The following IL12RB2 variants were observed in gnomAD, a reference collection of about 807,000 sequenced individuals.
The protein encoded by IL12RB2 is interleukin-12 receptor subunit beta-2.
In IL12RB2, 82 loss-of-function variants were observed where a neutral mutation model predicts 89.4. The ratio of observed to expected loss-of-function variants is 0.92; its 90% CI spans 0.77 to 1.10. The LOEUF is 1.10. Ranked by LOEUF, IL12RB2 falls within the 50% of genes least tolerant of loss-of-function variation. The pLI is 0.00. For synonymous variants in IL12RB2, 368 were observed against 370.1 expected, an observed-to-expected ratio of 0.99 and a Z score of 0.07; for missense variants, 963 against 1,031.9, an observed-to-expected ratio of 0.93 and a Z score of 0.92.
intron 13 of IL12RB2, among the ~76,000 whole-genome samples, chr1:67,377,675 C>A (rs1664122483): frequency 6.8e-6 from 1 of 147,718 alleles, no homozygotes; most frequent in Admixed American, 6.8e-5. Context: ...TGCCTCATTG[C>A]CTATCTTCCC....
rs549452969 is a variant in IL12RB2 at position 67,394,702 on chromosome 1, G to A, written c.2047-845G>A. Among the ~76,000 whole-genome samples the A allele has an allele frequency of 1.3e-3, 200 of 152,238 alleles. 1 individual carries two copies. Among genetic ancestry groups the A allele is most frequent in the South Asian group, 7.7e-3 (37 of 4,814 alleles). ...TTAAAAGGCCCTGTGTGATGTGACC[G>A]CCTCCTATTTCTGAAGCCTCGGGTT... On this transcript the variant is annotated intron_variant, in intron 16 of 16. Transcript: ENST00000674203.
At chr1:67,326,968 T>TATATTTAC (rs1657403519) in intron 5 of IL12RB2, 119 bp downstream of exon 5, 1 of 818,246 alleles carries the variant, frequency 1.2e-6, no homozygotes, top group African/African-American at 2.0e-5. Flanking sequence ...TATTTATTTA[T>TATATTTAC]TTATTTATTT....
At chr1:67,391,598 T>C (rs1665834028) in intron 16 of IL12RB2, among the ~76,000 whole-genome samples, 1 of 150,790 alleles carries the variant, frequency 6.6e-6, no homozygotes, top group South Asian at 2.1e-4. Flanking sequence ...AACATTTTCA[T>C]ACGTTAACAT....
In IL12RB2 at chr1:67,321,855, A is replaced by G; in HGVS notation, c.330A>G (p.Glu110=). The change falls in exon 4 of 17, where the codon GAA becomes GAG. Residue 110 remains glutamate (E), a synonymous_variant. Coordinates refer to ENST00000674203, the MANE Select transcript of IL12RB2 (RefSeq NM_001374259.2). ...AACTGGCCTGTATCAATAGTGATGA[A>G]ATTCAAATATGTGGAGCAGAGATCT... ...VCKLACINSD[E]IQICGAEIFV... 1 of 1,614,076 alleles carries G rather than the reference A, an allele frequency of 6.2e-7. No individual in the cohort carries two copies.
Position 67,310,184 on chromosome 1 carries a change from CAA to C in IL12RB2, c.-125+2241_-125+2242del, listed in dbSNP as rs890229904. ...GGGCGACAAGAATGAAACTTCATCT[CAA>C]AAAAAAAAAAAAAAAAAAAAAAAGC... is the stretch of plus-strand genomic sequence containing the variant. On this transcript the variant is annotated intron_variant, in intron 1 of 16. Transcript: ENST00000674203. 5.9e-3 allele frequency among the ~76,000 whole-genome samples: 216 copies of C among 36,726 alleles called. 3 individuals carry two copies. The highest frequency in any genetic ancestry group is 0.016 in the African/African-American group (200 of 12,540). The allele number at this position is 36,726 out of a possible 152,430, so 24.1% of individuals were successfully genotyped here. A position where few individuals can be genotyped will look rare whatever the true frequency, so the allele number is the denominator to read the frequency against.
At chr1:67,382,804 C>T (rs1462564313) in intron 14 of IL12RB2, among the ~76,000 whole-genome samples, 1 of 151,274 alleles carries the variant, frequency 6.6e-6, no homozygotes, top group Non-Finnish European at 1.5e-5. Context: ...ATCCTGGGCC[C>T]AAGTGATTCT....
intron 10 of IL12RB2, among the ~76,000 whole-genome samples, chr1:67,365,744 CT>C (rs1335785815): frequency 6.6e-6 from 1 of 151,992 alleles, no homozygotes; most frequent in African/African-American, 2.4e-5. Flanking sequence ...AAAAAAAAAC[CT>C]TTTGTTGGAT....
At position 67,393,090 on chromosome 1, in the gene IL12RB2, T is replaced by C. The variant is rs532689155; in HGVS notation, c.2047-2457T>C. ...ACCCTTGAAGAAGGTGGACTGTTTT[T>C]AGAAAGGAAACTGCTCTCCAGGTGC... On this transcript the variant is annotated intron_variant, in intron 16 of 16. Coordinates refer to ENST00000674203, the MANE Select transcript of IL12RB2 (RefSeq NM_001374259.2). Among the ~76,000 whole-genome samples the C allele has an allele frequency of 2.0e-4, 30 of 152,278 alleles. No individual in the cohort carries two copies. The Middle Eastern group carries it at 0.01, about 52-fold the overall frequency.
intron 10 of IL12RB2, 23 bp from the exon 11 acceptor site, chr1:67,367,802 T>G: frequency 2.3e-6 from 3 of 1,323,440 alleles, no homozygotes; most frequent in Non-Finnish European, 3.3e-6. Flanking sequence ...TTATTTTGTT[T>G]CTCCTCTTTC....
chr1:67,356,739 C>G (rs1019161172), intron 10 of IL12RB2, among the ~76,000 whole-genome samples: 1 of 151,958 alleles, frequency 6.6e-6, no homozygotes, highest in African/African-American at 2.4e-5. Context: ...TGACTCCTCT[C>G]CCTATAAAAA....
chr1:67,341,521 A>AGAG (rs60224360), intron 9 of IL12RB2, among the ~76,000 whole-genome samples: 1 of 113,566 alleles, frequency 8.8e-6, no homozygotes, highest in Non-Finnish European at 1.9e-5. Context: ...AAGGAAAGAA[A>AGAG]AAAGAAAGAG....
intron 10 of IL12RB2, among the ~76,000 whole-genome samples, chr1:67,365,443 A>C (rs1178018762): frequency 6.6e-6 from 1 of 152,218 alleles, no homozygotes; most frequent in East Asian, 1.9e-4. Context: ...CCAATATCAT[A>C]AATAAAAAGG....
At chr1:67,326,437 A>AAT (rs150094466) in intron 4 of IL12RB2, among the ~76,000 whole-genome samples, 7,340 of 152,226 alleles carry the variant, frequency 0.048, 603 homozygotes, top group African/African-American at 0.17. Flanking sequence ...TCTCTGAAAA[A>AAT]AAATATAATA....
In IL12RB2 at chr1:67,372,630, C is replaced by T. The variant is rs1663494102; in HGVS notation, c.1564C>T (p.Leu522=). 1 of 1,613,718 alleles carries T rather than the reference C, an allele frequency of 6.2e-7. No homozygotes were observed. Among genetic ancestry groups the T allele is most frequent in the South Asian group, 1.1e-5 (1 of 91,072 alleles). The part of the protein sequence containing the change: ...ILGNSKHKAP[L]SGPHINAITE... Reference sequence around the variant, plus strand: ...TCCTGTGCCCTACTTTACAGCACCACTGAGTGGCCCCCACATTAATGCCAT... The same window carrying T: ...TCCTGTGCCCTACTTTACAGCACCATTGAGTGGCCCCCACATTAATGCCAT... Residue 522 remains leucine (L), a synonymous_variant, in exon 13 of 17, where the codon CTG becomes TTG. Coordinates refer to ENST00000674203, the MANE Select transcript of IL12RB2 (RefSeq NM_001374259.2).
At chr1:67,377,192 A>C (rs1664076063) in intron 13 of IL12RB2, among the ~76,000 whole-genome samples, 1 of 152,242 alleles carries the variant, frequency 6.6e-6, no homozygotes, top group Non-Finnish European at 1.5e-5. Context: ...CCCATTAGAT[A>C]GTGGACTCTT....
chr1:67,346,022 G>T (rs1194728524), intron 9 of IL12RB2, among the ~76,000 whole-genome samples: 1 of 152,186 alleles, frequency 6.6e-6, no homozygotes, highest in Non-Finnish European at 1.5e-5. Context: ...TTGACTATCA[G>T]TTAAGTCAGT....
In IL12RB2 at chr1:67,330,756, A is replaced by C; in HGVS notation, c.904A>C (p.Lys302Gln). 1 of 1,565,554 alleles carries C rather than the reference A, an allele frequency of 6.4e-7. No individual in the cohort carries two copies. Among genetic ancestry groups the C allele is most frequent in the Admixed American group, 1.7e-5 (1 of 59,952 alleles). ...GATTTCCTCTAAGCTACATCTTTAT[A>C]AGGGAAGTTGGAGTGATTGGAGTGA... ...FQISSKLHLY[K>Q]GSWSDWSESL... Residue 302 changes from lysine to glutamine, a missense_variant, in exon 8 of 17, where the codon AAG becomes CAG. By Grantham distance (53) the Lys-to-Gln change is moderately conservative. Transcript: ENST00000674203.
At position 67,321,587 on chromosome 1, in the gene IL12RB2, T is replaced by C; in HGVS notation, c.77-15T>C. The C allele has an allele frequency of 6.4e-7, 1 of 1,554,592 alleles. No individual in the cohort carries two copies. Among genetic ancestry groups the C allele is most frequent in the Non-Finnish European group, 8.9e-7 (1 of 1,126,426 alleles). On this transcript the variant is annotated splice_polypyrimidine_tract_variant and intron_variant, in intron 3 of 16. Coordinates refer to ENST00000674203, the MANE Select transcript of IL12RB2 (RefSeq NM_001374259.2). ...ATTATCACCAACTAAATATTGCATC[T>C]GTATCTTATTGCAGATGCGTGCAAG...
intron 10 of IL12RB2, among the ~76,000 whole-genome samples, chr1:67,359,049 G>C (rs189133765): frequency 2.0e-5 from 3 of 152,062 alleles, no homozygotes; most frequent in African/African-American, 7.2e-5. Context: ...GCTGAGGCAC[G>C]AAAATGGCTT....
Sources: allele counts gnomAD v4.1 joint callset (sites outside exome capture counted in the v4.1 genomes callset), GRCh38; gene constraint gnomAD v4.1.1; transcripts MANE v1.5; gene names NCBI Gene and HGNC (gene_info 2026-07-23, HGNC 2026-07-21).